EIF3E: variants seen among roughly 807,000 people sequenced by gnomAD.
EIF3E encodes eIF-3 p48.
EIF3E carries 25 observed loss-of-function variants against 59.3 expected under a neutral mutation model. The ratio of observed to expected loss-of-function variants is 0.42; its 90% CI spans 0.31 to 0.59. The LOEUF (loss-of-function observed/expected upper bound fraction) is 0.59, where lower values mean the gene tolerates loss of function less well. EIF3E is among the 20% of genes least tolerant of loss of function. The probability of loss-of-function intolerance (pLI) is 0.15; values close to 1 mark genes in which losing one functional copy is unlikely to be tolerated. For missense variants in EIF3E, 317 were observed against 534.3 expected, an observed-to-expected ratio of 0.59 and a Z score of 4.01; for synonymous variants, 176 against 170.2, an observed-to-expected ratio of 1.03 and a Z score of -0.26.
chr8:108,206,633 G>GACACAC (rs148591843), intron 10 of EIF3E, among the ~76,000 whole-genome samples: 4,388 of 150,856 alleles, frequency 0.029, 214 homozygotes, highest in African/African-American at 0.099. Flanking sequence ...TGGTCGCACA[G>GACACAC]ACACACACAC....
At position 108,201,715 on chromosome 8, in the gene EIF3E, T is replaced by G. The variant is rs900768378; in HGVS notation, c.*170A>C. Reference sequence around the variant, plus strand: ...AAAGAAAGTTAAAAAAACACAAACTTGCACATGCAAGAAAACTGACAGCAA... The same window carrying G: ...AAAGAAAGTTAAAAAAACACAAACTGGCACATGCAAGAAAACTGACAGCAA... On this transcript the variant is annotated 3_prime_UTR_variant, in exon 13 of 13. Transcript: ENST00000220849. The G allele has an allele frequency of 2.6e-5, 15 of 584,480 alleles. No individual in the cohort carries two copies. 36.2% of individuals were successfully genotyped at this position (584,480 alleles called of 1,614,324 possible).
At position 108,241,824 on chromosome 8, in the gene EIF3E, GT is replaced by G; in HGVS notation, c.179del (p.Asn60ThrfsTer11). On this transcript the variant is annotated frameshift_variant, in exon 2 of 13. Coordinates refer to ENST00000220849, the MANE Select transcript of EIF3E (RefSeq NM_001568.3). LOFTEE classifies it high-confidence loss of function. ...MVDFAMDVYK[N>X]LYSDDIPHAL... The stretch of plus-strand genomic sequence containing the variant: ...CATGAGGAATATCATCAGAATAAAG[GT>G]TTTTGTATACATCCATAGCAAAGTC... 1 of 1,590,984 alleles carries G rather than the reference GT, an allele frequency of 6.3e-7. No individual in the cohort carries two copies. The highest frequency in any genetic ancestry group is 1.4e-5 in the African/African-American group (1 of 73,878).
Position 108,202,325 on chromosome 8 carries a change from C to A in EIF3E, c.1300-402G>T, listed in dbSNP as rs367889277. On this transcript the variant is annotated intron_variant, in intron 12 of 12. Transcript: ENST00000220849. ...TTGAACTAAAGGATTATTCTGCGGA[C>A]ACAAATTTGTTCCTAAAATTTCAAT... is the stretch of plus-strand genomic sequence containing the variant. Among the ~76,000 whole-genome samples, 6 of 152,172 alleles carry A rather than the reference C, an allele frequency of 3.9e-5. 1 individual carries two copies. The South Asian group carries it at 8.3e-4, about 21-fold the overall frequency.
intron 5 of EIF3E, chr8:108,234,758 G>T (rs1175658145): frequency 5.3e-5 from 16 of 299,206 alleles, no homozygotes; most frequent in Non-Finnish European, 1.2e-5. Context: ...TCATAAAATT[G>T]TTCCTACTTT....
chr8:108,227,053 AG>A (rs1317762216), intron 7 of EIF3E, among the ~76,000 whole-genome samples: 1 of 152,252 alleles, frequency 6.6e-6, no homozygotes, highest in African/African-American at 2.4e-5. Context: ...GGCTGGGCCC[AG>A]TGGCTCATGC....
rs1451485402 is a variant in EIF3E, at chr8:108,222,641, T to C, written c.723-5181A>G. Among the ~76,000 whole-genome samples, 9 of 152,158 alleles carry C rather than the reference T, an allele frequency of 5.9e-5. No individual in the cohort carries two copies. The East Asian group carries it at 1.5e-3, about 26-fold the overall frequency. ...ATCTCTCTTCTCTGTCCAACCAAATTTAAGACAGATCAATTTTTATCTTCA... is the reference window on the plus strand; with the variant it reads ...ATCTCTCTTCTCTGTCCAACCAAATCTAAGACAGATCAATTTTTATCTTCA... On this transcript the variant is annotated intron_variant, in intron 7 of 12. Transcript: ENST00000220849.
intron 3 of EIF3E, among the ~76,000 whole-genome samples, chr8:108,239,143 T>C (rs938438780): frequency 1.3e-5 from 2 of 152,186 alleles, no homozygotes; most frequent in South Asian, 4.1e-4. Context: ...GATACCCATG[T>C]GTTCTAAGGT....
chr8:108,219,788 G>A lies in EIF3E; in HGVS notation c.723-2328C>T, dbSNP rs140473139. Among the ~76,000 whole-genome samples, 810 of 152,006 alleles carry A rather than the reference G, an allele frequency of 5.3e-3. 1 individual carries two copies. Among genetic ancestry groups the A allele is most frequent in the Non-Finnish European group, 9.5e-3 (647 of 67,982 alleles). On this transcript the variant is annotated intron_variant, in intron 7 of 12. Transcript: ENST00000220849. ...GTCGAGGCTGCAATAAGCCGTTACT[G>A]CACCACTGCACTTCCAACCTGGGTG...
At chr8:108,206,084 T>C (rs1563626210) in intron 10 of EIF3E, among the ~76,000 whole-genome samples, 1 of 152,230 alleles carries the variant, frequency 6.6e-6, no homozygotes, top group South Asian at 2.1e-4. Context: ...ATCATTCTCC[T>C]TCATAAATAT....
At chr8:108,226,854 A>G (rs1815524965) in intron 7 of EIF3E, among the ~76,000 whole-genome samples, 2 of 152,226 alleles carry the variant, frequency 1.3e-5, no homozygotes. Context: ...TGATAATGCC[A>G]CACAGGGTAT....
Position 108,234,960 on chromosome 8 carries a change from C to CAA in EIF3E, c.471+36_471+37dup, listed in dbSNP as rs3075616. On this transcript the variant is annotated intron_variant, in intron 5 of 12. Coordinates refer to ENST00000220849, the MANE Select transcript of EIF3E (RefSeq NM_001568.3). ...AGAACCAAGGGAATCCTACAAAAGA[C>CAA]AAAAAAAAAAAAAAAAAAAACATGT... 3.4e-3 allele frequency: 2,953 copies of CAA among 872,142 alleles called. 4 individuals are homozygous for CAA. Among genetic ancestry groups the CAA allele is most frequent in the East Asian group, 0.016 (497 of 30,714 alleles). 54.0% of individuals were successfully genotyped at this position (872,142 alleles called of 1,614,324 possible).
rs648182 is a variant in EIF3E, at chr8:108,204,782, C to T, written c.1062-1279G>A. Among the ~76,000 whole-genome samples, 215 of 113,136 alleles carry T rather than the reference C, an allele frequency of 1.9e-3. 1 individual carries two copies. Among genetic ancestry groups the T allele is most frequent in the African/African-American group, 7.3e-3 (205 of 28,076 alleles). 74.2% of individuals were successfully genotyped at this position (113,136 alleles called of 152,430 possible). ...AGAGAGAGAGAGAGAGAGAGAGAGACAGAGAGAGAGAGAGAGAGAGACTGA... is the reference window on the plus strand; with the variant it reads ...AGAGAGAGAGAGAGAGAGAGAGAGATAGAGAGAGAGAGAGAGAGAGACTGA... On this transcript the variant is annotated intron_variant, in intron 10 of 12. Transcript: ENST00000220849.
In EIF3E at chr8:108,217,893, T is replaced by C. The variant is rs186537364; in HGVS notation, c.723-433A>G. ...CACTTAAATTAAATAATTCAGGGGA[T>C]GAAAGACTGGAAGCAACGGGGAAGG... On this transcript the variant is annotated intron_variant, in intron 7 of 12. Transcript: ENST00000220849. Among the ~76,000 whole-genome samples, 64 of 152,264 alleles carry C rather than the reference T, an allele frequency of 4.2e-4. 1 individual carries two copies. In the East Asian group the frequency reaches 0.011, roughly 27 times the overall value.
chr8:108,226,191 CT>C (rs11326241), intron 7 of EIF3E: 11,732 of 126,226 alleles, frequency 0.093, 923 homozygotes, highest in African/African-American at 0.27. Flanking sequence ...TTCAATAATT[CT>C]TTTTTTTTTT....
intron 7 of EIF3E, among the ~76,000 whole-genome samples, chr8:108,226,989 ATCT>A (rs1470483410): frequency 6.6e-6 from 1 of 152,232 alleles, no homozygotes; most frequent in Non-Finnish European, 1.5e-5. Context: ...AAACTATAAA[ATCT>A]TCATTTAGAT....
rs749968159 is a variant in EIF3E at position 108,241,913 on chromosome 8, T to C, written c.91A>G (p.Ile31Val). The change falls in exon 2 of 13, where the codon ATA becomes GTA. Residue 31 changes from isoleucine to valine, a missense_variant and splice_region_variant. Around this residue, in one of 4 missense-constraint regions of EIF3E, gnomAD observed 242 missense variants for 398.0 expected, o/e 0.61. Transcript: ENST00000220849. Reference protein sequence around the residue: ...PLLEFLSVKEIYNEKELLQGK... With the variant: ...PLLEFLSVKEVYNEKELLQGK... ...TGTAATAATTCCTTTTCATTATATA[T>C]CTGCAAAAGAAGATAACTTTCTAAT... 2 of 1,552,116 alleles carry C rather than the reference T, an allele frequency of 1.3e-6. No homozygotes were observed. The highest frequency in any genetic ancestry group is 1.8e-6 in the Non-Finnish European group (2 of 1,142,846).
intron 10 of EIF3E, among the ~76,000 whole-genome samples, chr8:108,207,174 A>C (rs1490587770): frequency 3.3e-5 from 5 of 152,186 alleles, no homozygotes; most frequent in African/African-American, 1.2e-4. Context: ...GTAACATGAA[A>C]ATACACTCAG....
chr8:108,235,791 T>C (rs1332600436), intron 4 of EIF3E, among the ~76,000 whole-genome samples: 1 of 152,230 alleles, frequency 6.6e-6, no homozygotes, highest in Non-Finnish European at 1.5e-5. Context: ...CATTTCTAAT[T>C]CAAATTTAAT....
chr8:108,244,272 CCT>C (rs370844396), intron 1 of EIF3E, among the ~76,000 whole-genome samples: 1 of 152,178 alleles, frequency 6.6e-6, no homozygotes, highest in East Asian at 1.9e-4. Context: ...TGCAAATGTT[CCT>C]CTGTTACAAA....
Sources: gnomAD v4.1 joint callset for allele counts (sites outside exome capture counted in the v4.1 genomes callset) on GRCh38, gnomAD v4.1.1 for gene constraint, gnomAD v4.1.1 regional missense constraint, MANE v1.5 for transcripts, NCBI Gene and HGNC (gene_info 2026-07-23, HGNC 2026-07-21) for gene names.